The following PRKCQ variants were observed in gnomAD, a reference collection of about 807,000 sequenced individuals.
PRKCQ encodes protein kinase C theta type.
Under a neutral mutation model 91.2 loss-of-function variants are expected in PRKCQ, and 41 were observed. The observed-to-expected ratio is 0.45, with a 90% CI of 0.35 to 0.58. The LOEUF is 0.58. Ranked by LOEUF, PRKCQ falls within the 20% of genes least tolerant of loss-of-function variation. PRKCQ has a pLI of 0.00. For missense variants in PRKCQ, 673 were observed against 896.5 expected (o/e 0.75, Z 3.18); for synonymous variants, 307 against 316.9 (o/e 0.97, Z 0.33).
the PRKCQ span, among the ~76,000 whole-genome samples, chr10:6,411,273 T>C: frequency 6.6e-6 from 1 of 152,004 alleles, no homozygotes; most frequent in Non-Finnish European, 1.5e-5. Flanking sequence ...ATTAAAGGAG[T>C]TGATGTATTT....
rs117522717 is a variant in PRKCQ, at chr10:6,457,714, C to T, written c.1509-902G>A. ...ATCTGATTGGTGCAGGTTACAGCGG[C>T]ACCCAGAGCTCCATTACCATCCTCT... On this transcript the variant is annotated intron_variant, in intron 14 of 17. Coordinates refer to ENST00000263125, the MANE Select transcript of PRKCQ (RefSeq NM_006257.5). 8.8e-3 allele frequency among the ~76,000 whole-genome samples: 1,341 copies of T among 152,298 alleles called. 8 individuals carry two copies. The highest frequency in any genetic ancestry group is 0.054 in the Middle Eastern group (16 of 294).
At chr10:6,544,863 G>A (rs1045381867) in intron 1 of PRKCQ, among the ~76,000 whole-genome samples, 2 of 151,898 alleles carry the variant, frequency 1.3e-5, no homozygotes, top group African/African-American at 2.4e-5. Flanking sequence ...CTCATGATCC[G>A]CCTGCCTCGG....
chr10:6,463,332 CA>C (rs1293782659), intron 13 of PRKCQ, among the ~76,000 whole-genome samples: 1 of 152,150 alleles, frequency 6.6e-6, no homozygotes, highest in Non-Finnish European at 1.5e-5. Flanking sequence ...TGGAAGAATG[CA>C]AAATTCTCCT....
At chr10:6,434,905 A>C (rs1833624073) in intron 16 of PRKCQ, among the ~76,000 whole-genome samples, 1 of 152,168 alleles carries the variant, frequency 6.6e-6, no homozygotes, top group African/African-American at 2.4e-5. Flanking sequence ...TAAATGAGGA[A>C]GTAAAGAGTG....
Position 6,515,326 on chromosome 10 carries a change from A to G in PRKCQ, c.-9-182T>C, listed in dbSNP as rs1838706820. 4.7e-6 allele frequency: 7 copies of G among 1,491,500 alleles called. No individual in the cohort carries two copies. The East Asian group carries it at 1.8e-4, about 37-fold the overall frequency. 92.4% of individuals were successfully genotyped at this position (1,491,500 alleles called of 1,614,324 possible). A position where few individuals can be genotyped will look rare whatever the true frequency, so the allele number is the denominator to read the frequency against. On this transcript the variant is annotated intron_variant, in intron 1 of 17. Coordinates refer to ENST00000263125, the MANE Select transcript of PRKCQ (RefSeq NM_006257.5). Reference sequence around the variant, plus strand: ...GAGGACACTGCTGGACTCACCCAAAACCACACACTGACTTGCTGAGGGGAG... The same window carrying G: ...GAGGACACTGCTGGACTCACCCAAAGCCACACACTGACTTGCTGAGGGGAG...
At chr10:6,515,554 T>G (rs1838717259) in intron 1 of PRKCQ, 1 of 969,034 alleles carries the variant, frequency 1.0e-6, no homozygotes, top group Admixed American at 6.2e-5. Flanking sequence ...CGAGTCTATT[T>G]TAGTCACACT....
chr10:6,417,523 G>A, the PRKCQ span, among the ~76,000 whole-genome samples: 1 of 152,134 alleles, frequency 6.6e-6, no homozygotes, highest in African/African-American at 2.4e-5. Flanking sequence ...TGACGTAACT[G>A]TTCTGATGTT....
chr10:6,551,850 T>A (rs1467242574), intron 1 of PRKCQ, among the ~76,000 whole-genome samples: 2 of 152,248 alleles, frequency 1.3e-5, no homozygotes, highest in Non-Finnish European at 2.9e-5. Context: ...ATGGGATTCC[T>A]GGGTCGAATG....
At chr10:6,445,582 A>G (rs892113848) in intron 15 of PRKCQ, among the ~76,000 whole-genome samples, 7 of 152,220 alleles carry the variant, frequency 4.6e-5, no homozygotes, top group African/African-American at 1.2e-4. Context: ...AAATGTTATG[A>G]TAAATATCTG....
chr10:6,561,369 CAAAAAAAAAAAA>C (rs3086735), intron 1 of PRKCQ, among the ~76,000 whole-genome samples: 3 of 82,638 alleles, frequency 3.6e-5, no homozygotes, highest in Non-Finnish European at 6.8e-5. Flanking sequence ...GACCCTGTCT[CAAAAAAAAAAAA>C]AAAAAAAAAA....
chr10:6,533,820 A>G (rs1184843785), intron 1 of PRKCQ, among the ~76,000 whole-genome samples: 1 of 152,200 alleles, frequency 6.6e-6, no homozygotes, highest in Admixed American at 6.5e-5. Context: ...TGTGTCTACC[A>G]GCTAAAACCT....
At chr10:6,492,292 C>G (rs1386943171) in intron 7 of PRKCQ, among the ~76,000 whole-genome samples, 10 of 151,226 alleles carry the variant, frequency 6.6e-5, no homozygotes, top group Non-Finnish European at 1.5e-4. Flanking sequence ...ATGGGTTTAT[C>G]AGTATTACTG....
At chr10:6,464,885 T>C (rs529602602) in intron 12 of PRKCQ, among the ~76,000 whole-genome samples, 1 of 152,266 alleles carries the variant, frequency 6.6e-6, no homozygotes, top group Admixed American at 6.5e-5. Context: ...AAACAATCTA[T>C]GTTTTTGAGC....
the PRKCQ span, among the ~76,000 whole-genome samples, chr10:6,415,142 T>G: frequency 6.6e-6 from 1 of 151,692 alleles, no homozygotes; most frequent in Non-Finnish European, 1.5e-5. Flanking sequence ...TTTGCATTTT[T>G]AGTAGAGATG....
intron 16 of PRKCQ, among the ~76,000 whole-genome samples, chr10:6,436,349 C>T (rs995341212): frequency 3.3e-5 from 5 of 152,132 alleles, no homozygotes; most frequent in African/African-American, 1.2e-4. Context: ...TAAGACAGTA[C>T]AGAGATGTCC....
At chr10:6,510,381 GA>G (rs1250419123) in intron 3 of PRKCQ, among the ~76,000 whole-genome samples, 1 of 152,070 alleles carries the variant, frequency 6.6e-6, no homozygotes, top group Non-Finnish European at 1.5e-5. Flanking sequence ...CATTACAGCT[GA>G]AAAAAATTGT....
chr10:6,406,058 A>T, the PRKCQ span, among the ~76,000 whole-genome samples: 1 of 152,168 alleles, frequency 6.6e-6, no homozygotes, highest in African/African-American at 2.4e-5. Flanking sequence ...TGCAACTAAC[A>T]CTTTTCATAT....
downstream of PRKCQ, among the ~76,000 whole-genome samples, chr10:6,426,585 G>A (rs1833128437): frequency 6.6e-6 from 1 of 152,168 alleles, no homozygotes; most frequent in African/African-American, 2.4e-5. Flanking sequence ...ATCCTTAAAT[G>A]AGGTTACTCG....
At chr10:6,554,421 T>C (rs1840331259) in intron 1 of PRKCQ, among the ~76,000 whole-genome samples, 1 of 152,208 alleles carries the variant, frequency 6.6e-6, no homozygotes, top group Non-Finnish European at 1.5e-5. Flanking sequence ...TTCTATTACT[T>C]TGATTTGGCA....
Sources: allele counts gnomAD v4.1 joint callset (sites outside exome capture counted in the v4.1 genomes callset), GRCh38; gene constraint gnomAD v4.1.1; transcripts MANE v1.5; gene names NCBI Gene and HGNC (gene_info 2026-07-23, HGNC 2026-07-21).